SASH1: variants seen among roughly 807,000 people sequenced by gnomAD.
SASH1 encodes SAM and SH3 domain-containing protein 1.
Under a neutral mutation model 125.2 loss-of-function variants are expected in SASH1, and 44 were observed. The observed-to-expected ratio is 0.35, with a 90% CI of 0.28 to 0.45. The LOEUF is 0.45. Ranked by LOEUF, SASH1 falls within the 20% of genes least tolerant of loss-of-function variation. SASH1 has a pLI of 1.00. For synonymous variants in SASH1, 639 were observed against 649.1 expected, an observed-to-expected ratio of 0.98 and a Z score of 0.24; for missense variants, 1,426 against 1,614.5, an observed-to-expected ratio of 0.88 and a Z score of 2.00.
intron 4 of SASH1, among the ~76,000 whole-genome samples, chr6:148,451,585 C>G (rs1026650075): frequency 2.0e-5 from 3 of 152,116 alleles, no homozygotes; most frequent in Non-Finnish European, 4.4e-5. Context: ...ATTGCTTGAG[C>G]TCAGGAGTTT....
At chr6:148,444,267 A>C (rs1049894537) in intron 4 of SASH1, among the ~76,000 whole-genome samples, 1 of 152,180 alleles carries the variant, frequency 6.6e-6, no homozygotes, top group Non-Finnish European at 1.5e-5. Context: ...TCTGTTTCTA[A>C]AAAATAACAT....
chr6:148,363,311 A>T (rs1042239973), intron 1 of SASH1, among the ~76,000 whole-genome samples: 2 of 151,058 alleles, frequency 1.3e-5, no homozygotes, highest in Non-Finnish European at 2.9e-5. Context: ...TTTTTTATTT[A>T]TTTATTTTTT....
chr6:148,214,063 T>C, the SASH1 span, among the ~76,000 whole-genome samples: 1 of 152,170 alleles, frequency 6.6e-6, no homozygotes, highest in Non-Finnish European at 1.5e-5. Context: ...ATTCAAAAAG[T>C]TGATAATGGC....
At chr6:148,306,903 T>A (rs191907882) in intron 1 of SASH1, among the ~76,000 whole-genome samples, 33 of 152,204 alleles carry the variant, frequency 2.2e-4, no homozygotes, top group African/African-American at 7.2e-4. Context: ...CAGAGGTGGG[T>A]CAGATGACCA....
chr6:148,229,155 A>C, the SASH1 span, among the ~76,000 whole-genome samples: 2 of 148,816 alleles, frequency 1.3e-5, no homozygotes, highest in Non-Finnish European at 3.0e-5. Context: ...AAAAAAAAAA[A>C]AACACTTAAC....
At chr6:148,463,687 AG>A (rs2115090868) in intron 4 of SASH1, among the ~76,000 whole-genome samples, 1 of 152,118 alleles carries the variant, frequency 6.6e-6, no homozygotes, top group South Asian at 2.1e-4. Context: ...CTGCAGCTCT[AG>A]ACTCACATGT....
upstream of SASH1, among the ~76,000 whole-genome samples, chr6:148,267,394 TGTGA>T (rs1382836389): frequency 3.3e-5 from 5 of 151,040 alleles, no homozygotes; most frequent in African/African-American, 7.3e-5. Context: ...TGTGTGTGTG[TGTGA>T]GATGGAGTCT....
At chr6:148,339,018 AAAAAAAG>A (rs1781246336), upstream of SASH1, among the ~76,000 whole-genome samples, 1 of 150,770 alleles carries the variant, frequency 6.6e-6, no homozygotes, top group Non-Finnish European at 1.5e-5. Context: ...AAAAAAAAAA[AAAAAAAG>A]AGAGAGAGAG....
the SASH1 span, among the ~76,000 whole-genome samples, chr6:148,217,846 T>TA: frequency 0.18 from 21,949 of 123,240 alleles, 1,853 homozygotes; most frequent in African/African-American, 0.2. Context: ...ATCCCATCTC[T>TA]AAAAAAAAAA....
intron 1 of SASH1, among the ~76,000 whole-genome samples, chr6:148,322,935 T>TTCTCTCTTTTCTTTTCCTTCCTTCTTTCC: frequency 1.1e-5 from 1 of 94,264 alleles, no homozygotes; most frequent in Non-Finnish European, 2.3e-5. Context: ...CTCTCTTTCT[T>TTCTCTCTTTTCTTTTCCTTCCTTCTTTCC]TTCCTTCCTT....
intron 1 of SASH1, among the ~76,000 whole-genome samples, chr6:148,362,823 G>A (rs563939775): frequency 8.5e-5 from 13 of 152,158 alleles, no homozygotes; most frequent in East Asian, 3.9e-4. Context: ...ACTCCAGCCC[G>A]GGAAACAGAG....
In SASH1 at chr6:148,543,924, C is replaced by A; in HGVS notation, c.2454C>A (p.Ile818=). ...NKNRRSLPVS[I]CRSCETLEGP... is the part of the protein sequence containing the mutation. ...ACCGAAGAAGCCTCCCAGTTTCCAT[C>A]TGCCGGAGCTGTGAGACCCTGGAGG... Residue 818 remains isoleucine (I), a synonymous_variant, in exon 18 of 20, where the codon ATC becomes ATA. Transcript: ENST00000367467. 2.5e-6 allele frequency: 4 copies of A among 1,614,226 alleles called. No homozygotes were observed. Among genetic ancestry groups the A allele is most frequent in the Middle Eastern group, 1.6e-4 (1 of 6,062 alleles).
At chr6:148,321,601 T>C (rs1780635344) in intron 1 of SASH1, among the ~76,000 whole-genome samples, 1 of 152,188 alleles carries the variant, frequency 6.6e-6, no homozygotes. Flanking sequence ...AAACTGTGAT[T>C]ACATTCATAC....
At chr6:148,272,281 AG>A (rs1779080163), upstream of SASH1, 1 of 458,628 alleles carries the variant, frequency 2.2e-6, no homozygotes, top group Admixed American at 2.4e-5. Context: ...GCCTTACATC[AG>A]TGCTGCAGAT....
rs899048064 is a variant in SASH1 at position 148,549,329 on chromosome 6, A to G, written c.*771A>G. 1.9e-5 allele frequency: 6 copies of G among 314,692 alleles called. No individual in the cohort carries two copies. Among genetic ancestry groups the G allele is most frequent in the Non-Finnish European group, 2.3e-5 (4 of 173,922 alleles). 19.5% of individuals were successfully genotyped at this position (314,692 alleles called of 1,614,324 possible). On this transcript the variant is annotated 3_prime_UTR_variant, in exon 20 of 20. Coordinates refer to ENST00000367467, the MANE Select transcript of SASH1 (RefSeq NM_015278.5). Reference sequence around the variant, plus strand: ...TTGTAGAGGTATTCATCAGCCACACACTTCATGTTGGTTTTTGGTTTTTAA... The same window carrying G: ...TTGTAGAGGTATTCATCAGCCACACGCTTCATGTTGGTTTTTGGTTTTTAA...
At chr6:148,543,583 G>T in intron 17 of SASH1, 97 bp from the exon 18 acceptor site, 1 of 981,570 alleles carries the variant, frequency 1.0e-6, no homozygotes. Flanking sequence ...ATAGGATGTG[G>T]GTGTTGGAGA....
At chr6:148,343,364 A>G in intron 1 of SASH1, 141 bp downstream of exon 1, 1 of 674,150 alleles carries the variant, frequency 1.5e-6, no homozygotes, top group African/African-American at 1.8e-5. Flanking sequence ...TTAGGGGGCT[A>G]AATACACACA....
intron 1 of SASH1, among the ~76,000 whole-genome samples, chr6:148,289,804 T>A (rs1476847292): frequency 6.6e-6 from 1 of 151,922 alleles, no homozygotes; most frequent in East Asian, 1.9e-4. Flanking sequence ...TGTATAGCCA[T>A]TGTGAACACA....
chr6:148,540,386 CTG>C (rs979889576), intron 16 of SASH1, 55 bp from the exon 17 acceptor site: 2 of 1,397,196 alleles, frequency 1.4e-6, no homozygotes, highest in African/African-American at 2.8e-5. Flanking sequence ...TCTGTTGACT[CTG>C]AAACCTCTGC....
Sources: gnomAD v4.1 joint callset for allele counts (sites outside exome capture counted in the v4.1 genomes callset) on GRCh38, gnomAD v4.1.1 for gene constraint, MANE v1.5 for transcripts, NCBI Gene and HGNC (gene_info 2026-07-23, HGNC 2026-07-21) for gene names.